ZNF12: variants seen among roughly 807,000 people sequenced by gnomAD.
ZNF12 encodes zinc finger protein 12, also known as gonadotropin inducible transcription repressor 3.
A neutral mutation model predicts 66.6 loss-of-function variants in ZNF12; 34 were observed. The ratio of observed to expected loss-of-function variants is 0.51; its 90% CI spans 0.39 to 0.68. The LOEUF (loss-of-function observed/expected upper bound fraction) is 0.68. ZNF12 is among the 30% of genes least tolerant of loss of function. The pLI, the probability that ZNF12 is intolerant of heterozygous loss-of-function variation, is 0.00. For missense variants in ZNF12, 697 were observed against 826.9 expected, an observed-to-expected ratio of 0.84 and a Z score of 1.93; for synonymous variants, 320 against 278.9, an observed-to-expected ratio of 1.15 and a Z score of -1.47.
rs1335286102 is a variant in ZNF12 at position 6,691,518 on chromosome 7, TAGA to T, written c.1421_1423del (p.Phe474del). ...ATGTCTCATGAGGGCTGAATTCAGG[TAGA>T]AGGTTTTTCCACATTCATTACATTC... On this transcript the variant is annotated inframe_deletion, in exon 5 of 5. Transcript: ENST00000405858. 6.2e-7 allele frequency: 1 copy of T among 1,613,490 alleles called. No individual in the cohort carries two copies. Among genetic ancestry groups the T allele is most frequent in the Non-Finnish European group, 8.5e-7 (1 of 1,179,778 alleles).
rs772216307 is a variant in ZNF12, at chr7:6,698,097, CCT to C, written c.16-288_16-287del. The C allele has an allele frequency of 3.5e-5, 21 of 607,852 alleles. No homozygotes were observed. The highest frequency in any genetic ancestry group is 5.9e-5 in the Non-Finnish European group (19 of 321,956). 37.7% of individuals were successfully genotyped at this position (607,852 alleles called of 1,614,324 possible). Reference sequence around the variant, plus strand: ...AACACCAGCAGGGACGAATCTCACCCCTGAGGAGCACAGGCCTGGGGACACTC... The same window carrying C: ...AACACCAGCAGGGACGAATCTCACCCGAGGAGCACAGGCCTGGGGACACTC... On this transcript the variant is annotated intron_variant, in intron 2 of 4. Transcript: ENST00000405858. This position sits in a 1 kb window ranked among gnomAD's most constrained non-coding sequence, Gnocchi z 4.4.
In ZNF12 at chr7:6,691,349, G is replaced by A. The variant is rs1377485640; in HGVS notation, c.1593C>T (p.Tyr531=). Residue 531 remains tyrosine, a synonymous_variant, in exon 5 of 5, where the codon TAC becomes TAT. Transcript: ENST00000405858. ...GATGTCTACAAAGGGCTGAGTTCTG[G>A]TAGAAGGTTTTCCCACATTCACTAC... ...YECSECGKTF[Y]QNSALCRHRR... 6.2e-7 allele frequency: 1 copy of A among 1,613,982 alleles called. No individual in the cohort carries two copies. Among genetic ancestry groups the A allele is most frequent in the Admixed American group, 1.7e-5 (1 of 60,028 alleles).
rs1379849926 is a variant in ZNF12, at chr7:6,696,627, G to A, written c.238+712C>T. Among the ~76,000 whole-genome samples the A allele has an allele frequency of 2.0e-5, 3 of 152,180 alleles. No homozygotes were observed. Among genetic ancestry groups the A allele is most frequent in the Middle Eastern group, 3.2e-3 (1 of 316 alleles). Reference sequence around the variant, plus strand: ...CTTTAAAGACATTTCTGGAGGTGGTGGAAGCATAAACCAGACTTCATTTGC... The same window carrying A: ...CTTTAAAGACATTTCTGGAGGTGGTAGAAGCATAAACCAGACTTCATTTGC... On this transcript the variant is annotated intron_variant, in intron 4 of 4. Coordinates refer to ENST00000405858, the MANE Select transcript of ZNF12 (RefSeq NM_016265.4). This position sits in a 1 kb window ranked among gnomAD's most constrained non-coding sequence, Gnocchi z 4.0.
chr7:6,703,321 G>A (rs896630126), intron 2 of ZNF12, among the ~76,000 whole-genome samples: 1 of 152,182 alleles, frequency 6.6e-6, no homozygotes, highest in African/African-American at 2.4e-5. Context: ...TGGGCTTGTG[G>A]AGGAAAGTAG....
rs775816834 is a variant in ZNF12, at chr7:6,698,027, G to T, written c.16-216C>A. ...ACAAAAAACAAAAAAACAACACTGG[G>T]ATTGCACGGTGAGCCAGAAACAATC... On this transcript the variant is annotated intron_variant, in intron 2 of 4. Coordinates refer to ENST00000405858, the MANE Select transcript of ZNF12 (RefSeq NM_016265.4). The surrounding 1 kb of genome is among the most constrained non-coding windows in gnomAD (Gnocchi z 4.4). 6.7e-6 allele frequency: 5 copies of T among 745,352 alleles called. No homozygotes were observed. 46.2% of individuals were successfully genotyped at this position (745,352 alleles called of 1,614,324 possible).
At chr7:6,702,486 CCA>C (rs59156870) in intron 2 of ZNF12, among the ~76,000 whole-genome samples, 2 of 42,746 alleles carry the variant, frequency 4.7e-5, no homozygotes, top group African/African-American at 1.4e-4. Context: ...CTCCCAAACT[CCA>C]CACACACACA....
rs1210327067 is a variant in ZNF12, at chr7:6,697,544, G to A, written c.143-110C>T. On this transcript the variant is annotated intron_variant, in intron 3 of 4. Transcript: ENST00000405858. The surrounding 1 kb of genome is among the most constrained non-coding windows in gnomAD (Gnocchi z 6.1). Reference sequence around the variant, plus strand: ...CTTATCAAAATCAGAACTTTTCACGGGGGAGATCAAGACCAAAATGCCCTG... The same window carrying A: ...CTTATCAAAATCAGAACTTTTCACGAGGGAGATCAAGACCAAAATGCCCTG... 4 of 1,521,098 alleles carry A rather than the reference G, an allele frequency of 2.6e-6. No homozygotes were observed. Among genetic ancestry groups the A allele is most frequent in the Non-Finnish European group, 3.6e-6 (4 of 1,111,544 alleles). 94.2% of individuals were successfully genotyped at this position (1,521,098 alleles called of 1,614,324 possible). A position where few individuals can be genotyped will look rare whatever the true frequency, so the allele number is the denominator to read the frequency against.
Position 6,697,248 on chromosome 7 carries a change from C to T in ZNF12, c.238+91G>A. 1.1e-6 allele frequency: 1 copy of T among 918,350 alleles called. No individual in the cohort carries two copies. The highest frequency in any genetic ancestry group is 1.7e-6 in the Non-Finnish European group (1 of 606,006). The allele number at this position is 918,350 out of a possible 1,614,324, so 56.9% of individuals were successfully genotyped here. ...TCATAGAGCATATAAGCAACTATTT[C>T]TAGTCACTTCTAAAGGTTCGGGACC... On this transcript the variant is annotated intron_variant, in intron 4 of 4. Coordinates refer to ENST00000405858, the MANE Select transcript of ZNF12 (RefSeq NM_016265.4). The surrounding 1 kb of genome is among the most constrained non-coding windows in gnomAD (Gnocchi z 6.1).
chr7:6,690,182 A>C lies in ZNF12; in HGVS notation c.*666T>G, dbSNP rs1780043225. ...AAAAAGTATACTTTATACCTATCAA[A>C]TGATATTAATGTAGTGCTGTTTAGA... On this transcript the variant is annotated 3_prime_UTR_variant, in exon 5 of 5. Transcript: ENST00000405858. The C allele has an allele frequency of 6.6e-6, 1 of 152,204 alleles. No homozygotes were observed. The highest frequency in any genetic ancestry group is 1.5e-5 in the Non-Finnish European group (1 of 68,050). 9.4% of individuals were successfully genotyped at this position (152,204 alleles called of 1,614,324 possible). A position where few individuals can be genotyped will look rare whatever the true frequency, so the allele number is the denominator to read the frequency against.
intron 2 of ZNF12, among the ~76,000 whole-genome samples, chr7:6,702,303 A>ACACACACACACACAC (rs1780257958): frequency 8.1e-6 from 1 of 122,812 alleles, no homozygotes; most frequent in African/African-American, 3.0e-5. Context: ...AAACTCCACA[A>ACACACACACACACAC]ACACACACAC....
intron 2 of ZNF12, among the ~76,000 whole-genome samples, chr7:6,699,274 T>C (rs941568843): frequency 4.6e-5 from 7 of 152,198 alleles, no homozygotes; most frequent in Non-Finnish European, 1.0e-4. Context: ...ACTGAACACC[T>C]TGGGTTTCAT....
rs534264203 is a variant in ZNF12 at position 6,706,906 on chromosome 7, G to A, written c.-525C>T. The A allele has an allele frequency of 2.1e-4, 89 of 414,120 alleles. No homozygotes were observed. Among genetic ancestry groups the A allele is most frequent in the African/African-American group, 1.7e-3 (79 of 45,868 alleles). 25.7% of individuals were successfully genotyped at this position (414,120 alleles called of 1,614,324 possible). On this transcript the variant is annotated 5_prime_UTR_variant, in exon 1 of 5. Transcript: ENST00000405858. ...ACCGGAGGCCAAAGCCTGGGAACTA[G>A]GGCGAGCGGTGACCTGGGGACGCAC...
intron 4 of ZNF12, among the ~76,000 whole-genome samples, chr7:6,695,061 C>G (rs1422854213): frequency 1.3e-5 from 2 of 152,190 alleles, no homozygotes; most frequent in African/African-American, 2.4e-5. Context: ...GTAGCTGGGA[C>G]TACAGGCATG....
chr7:6,691,855 A>C lies in ZNF12; in HGVS notation c.1087T>G (p.Cys363Gly), dbSNP rs777201430. ...YECSYCGKSF[C>G]QKTHLTQHQR... ...TGTTGTGTGAGGTGTGTCTTCTGGC[A>C]AAAGGATTTTCCACAATAACTACAT... Residue 363 changes from cysteine (C) to glycine (G), a missense_variant, in exon 5 of 5, where the codon TGC becomes GGC. Cys to Gly is a radical substitution (Grantham distance 159). Coordinates refer to ENST00000405858, the MANE Select transcript of ZNF12 (RefSeq NM_016265.4). 2.5e-6 allele frequency: 4 copies of C among 1,614,044 alleles called. No individual in the cohort carries two copies. The Admixed American group carries it at 6.7e-5, about 27-fold the overall frequency.
chr7:6,700,150 T>A (rs908276701), intron 2 of ZNF12, among the ~76,000 whole-genome samples: 3 of 151,630 alleles, frequency 2.0e-5, no homozygotes, highest in Admixed American at 6.6e-5. Flanking sequence ...CCGGGCGTGG[T>A]GGCAGGCACC....
intron 4 of ZNF12, among the ~76,000 whole-genome samples, chr7:6,695,806 A>G (rs1240723120): frequency 6.6e-6 from 1 of 152,248 alleles, no homozygotes; most frequent in Non-Finnish European, 1.5e-5. Flanking sequence ...AAGTCATGAC[A>G]AAAGTCAGGG....
intron 2 of ZNF12, among the ~76,000 whole-genome samples, chr7:6,704,947 C>A (rs1163417560): frequency 1.3e-5 from 2 of 152,042 alleles, no homozygotes; most frequent in Non-Finnish European, 2.9e-5. Context: ...GAACATAAGA[C>A]GCTTGTACTC....
chr7:6,691,748 G>A lies in ZNF12; in HGVS notation c.1194C>T (p.Asp398=), dbSNP rs767559247. 5 of 1,613,672 alleles carry A rather than the reference G, an allele frequency of 3.1e-6. No individual in the cohort carries two copies. The South Asian group carries it at 4.4e-5, about 14-fold the overall frequency. ...KTFSQKSALN[D]HQKIHTGVKL... ...TCACACCTGTGTGAATTTTCTGATGGTCATTAAGTGCTGACTTCTGCGAGA... is the reference window on the plus strand; with the variant it reads ...TCACACCTGTGTGAATTTTCTGATGATCATTAAGTGCTGACTTCTGCGAGA... Residue 398 remains aspartate (D), a synonymous_variant, in exon 5 of 5, where the codon GAC becomes GAT. Coordinates refer to ENST00000405858, the MANE Select transcript of ZNF12 (RefSeq NM_016265.4).
chr7:6,690,977 A>T lies in ZNF12; in HGVS notation c.1965T>A (p.His655Gln). 6.2e-7 allele frequency: 1 copy of T among 1,614,134 alleles called. No individual in the cohort carries two copies. The highest frequency in any genetic ancestry group is 8.5e-7 in the Non-Finnish European group (1 of 1,179,984). ...TACACTCATAGGGTTTCTCTCCTGA[A>T]TGAGTTCTATAATGTACAGTGAGGT... ...MSYLTVHYRT[H>Q]SGEKPYECTE... The change falls in exon 5 of 5, where the codon CAT becomes CAA. Residue 655 changes from histidine to glutamine, a missense_variant. His to Gln is a conservative substitution (Grantham distance 24). Around this residue, in one of 3 missense-constraint regions of ZNF12, gnomAD observed 401 missense variants for 519.0 expected, o/e 0.77. Transcript: ENST00000405858.
Sources: allele counts gnomAD v4.1 joint callset (sites outside exome capture counted in the v4.1 genomes callset), GRCh38; gene constraint gnomAD v4.1.1; regional missense constraint gnomAD v4.1.1; non-coding constraint Gnocchi (gnomAD v3.1); transcripts MANE v1.5; gene names NCBI Gene and HGNC (gene_info 2026-07-23, HGNC 2026-07-21).